ITFG2: variants seen among roughly 807,000 people sequenced by gnomAD.
ITFG2 encodes the protein KICSTOR complex protein ITFG2.
ITFG2 carries 36 observed loss-of-function variants against 54.4 expected under a neutral mutation model. The ratio of observed to expected loss-of-function variants is 0.66; its 90% CI spans 0.51 to 0.87. ITFG2 has a LOEUF of 0.87. Among genes scored for constraint, ITFG2 ranks in the 40% least tolerant of loss-of-function variants. The probability of loss-of-function intolerance (pLI) is 0.00; values close to 1 mark genes in which losing one functional copy is unlikely to be tolerated. For missense variants in ITFG2, 524 were observed against 576.7 expected, an observed-to-expected ratio of 0.91 and a Z score of 0.94; for synonymous variants, 211 against 225.4, an observed-to-expected ratio of 0.94 and a Z score of 0.57.
chr12:2,857,461 A>G, intron 2 of ITFG2: 1 of 225,060 alleles, frequency 4.4e-6, no homozygotes. Flanking sequence ...ACAAGGTCAG[A>G]GACGCCAGGG....
upstream of ITFG2, among the ~76,000 whole-genome samples, chr12:2,832,372 G>C (rs551696088): frequency 1.8e-4 from 28 of 151,970 alleles, no homozygotes; most frequent in African/African-American, 6.3e-4. Flanking sequence ...CAGAAGCACC[G>C]CTCATACCAG....
chr12:2,827,951 A>C (rs771367947), downstream of ITFG2: 6 of 1,614,194 alleles, frequency 3.7e-6, no homozygotes, highest in Admixed American at 1.0e-4. The surrounding 1 kb of genome is among the most constrained non-coding windows in gnomAD (Gnocchi z 4.0). Context: ...AGCACACCAC[A>C]GTCTCCTGCC....
chr12:2,819,942 CA>C lies in ITFG2; in HGVS notation c.407-143del, dbSNP rs140410419. Reference sequence around the variant, plus strand: ...ACGGGCAAGATGCCGCAAACACAGGCAGGGGCGGGGGCAGACTGAGGGTGAA... The same window carrying C: ...ACGGGCAAGATGCCGCAAACACAGGCGGGGCGGGGGCAGACTGAGGGTGAA... On this transcript the variant is annotated intron_variant, in intron 4 of 11. Coordinates refer to ENST00000228799, the MANE Select transcript of ITFG2 (RefSeq NM_018463.4). 219 of 1,022,152 alleles carry C rather than the reference CA, an allele frequency of 2.1e-4. 1 individual carries two copies. The highest frequency in any genetic ancestry group is 2.7e-4 in the Non-Finnish European group (200 of 740,262). The allele number at this position is 1,022,152 out of a possible 1,614,324, so 63.3% of individuals were successfully genotyped here. A position where few individuals can be genotyped will look rare whatever the true frequency, so the allele number is the denominator to read the frequency against.
intron 1 of ITFG2, among the ~76,000 whole-genome samples, chr12:2,815,597 C>G (rs1349371744): frequency 6.6e-6 from 1 of 152,248 alleles, no homozygotes; most frequent in African/African-American, 2.4e-5. Context: ...TATTTGGCCC[C>G]TGATTAAACA....
chr12:2,812,865 A>T lies in ITFG2; in HGVS notation c.96+9A>T. ...ACGTTGATAACGATACGGTAGGTGC[A>T]TGCGCACCGCAAGAGACAGCCTGGA... On this transcript the variant is annotated intron_variant, in intron 1 of 11. Coordinates refer to ENST00000228799, the MANE Select transcript of ITFG2 (RefSeq NM_018463.4). The T allele has an allele frequency of 6.2e-7, 1 of 1,600,462 alleles. No homozygotes were observed. The highest frequency in any genetic ancestry group is 8.5e-7 in the Non-Finnish European group (1 of 1,169,824).
At chr12:2,835,077 G>A, upstream of ITFG2, 1 of 1,439,610 alleles carries the variant, frequency 6.9e-7, no homozygotes. Flanking sequence ...AGAGAGGGAG[G>A]GTTGGCAGGG....
At chr12:2,818,472 C>A in intron 4 of ITFG2, 195 bp downstream of exon 4, 1 of 1,041,074 alleles carries the variant, frequency 9.6e-7, no homozygotes, top group Non-Finnish European at 1.4e-6. Context: ...AAAATTGCTG[C>A]CCTCCTGGGC....
chr12:2,821,611 G>A lies in ITFG2; in HGVS notation c.847+15G>A, dbSNP rs2097944797. 2 of 1,614,034 alleles carry A rather than the reference G, an allele frequency of 1.2e-6. No individual in the cohort carries two copies. On this transcript the variant is annotated intron_variant, in intron 8 of 11. Transcript: ENST00000228799. ...CACCCTGGATGGTGAGCAATGCTAG[G>A]ATGGGGTGTGGGGGCTGTATGCCTG... is the stretch of plus-strand genomic sequence containing the variant.
chr12:2,851,586 A>C (rs935748317), intron 2 of ITFG2, among the ~76,000 whole-genome samples: 4 of 151,278 alleles, frequency 2.6e-5, no homozygotes, highest in African/African-American at 9.7e-5. Flanking sequence ...CAGGTGACCC[A>C]CCTGCCTTGG....
chr12:2,854,065 GC>G (rs1483632078), intron 2 of ITFG2, among the ~76,000 whole-genome samples: 1 of 152,054 alleles, frequency 6.6e-6, no homozygotes, highest in Non-Finnish European at 1.5e-5. Context: ...CTCTCTTGTT[GC>G]CCCGGCTGGA....
intron 1 of ITFG2, among the ~76,000 whole-genome samples, chr12:2,816,219 CGG>C (rs1370569086): frequency 6.6e-6 from 1 of 151,338 alleles, no homozygotes; most frequent in East Asian, 1.9e-4. Context: ...TTAGTACAAA[CGG>C]GGTTTTACCA....
chr12:2,853,799 G>T lies in ITFG2; in HGVS notation n.301-4213G>T, dbSNP rs145194666. 3.3e-3 allele frequency among the ~76,000 whole-genome samples: 499 copies of T among 152,132 alleles called. 4 individuals are homozygous for T. The highest frequency in any genetic ancestry group is 0.011 in the African/African-American group (464 of 41,518). ...CGTGAGTTCCCAGGGTGGCCGGGAG[G>T]GGGAGCTGCGGGGTTCACAGCGGCT... is the stretch of plus-strand genomic sequence containing the variant. On this transcript the variant is annotated intron_variant and non_coding_transcript_variant, in intron 2 of 3. Coordinates refer to the ITFG2 transcript ENST00000537710.
intron 6 of ITFG2, 49 bp downstream of exon 6, chr12:2,820,921 A>G (rs755599196): frequency 1.3e-6 from 2 of 1,590,944 alleles, no homozygotes; most frequent in South Asian, 1.1e-5. Flanking sequence ...TGGAAGCAGG[A>G]TGGGCTCCCA....
rs1480199446 is a variant in ITFG2, at chr12:2,824,942, T to C, written c.*749T>C. ...TCAGAATTATATCTTGGGTCATTTATGTGCCGTCTGTTCTTGATTCTCTAT... is the reference window on the plus strand; with the variant it reads ...TCAGAATTATATCTTGGGTCATTTACGTGCCGTCTGTTCTTGATTCTCTAT... On this transcript the variant is annotated 3_prime_UTR_variant, in exon 12 of 12. Transcript: ENST00000228799. The C allele has an allele frequency of 6.6e-6, 1 of 152,094 alleles. No homozygotes were observed. Among genetic ancestry groups the C allele is most frequent in the Non-Finnish European group, 1.5e-5 (1 of 68,136 alleles). The allele number at this position is 152,094 out of a possible 1,614,324, so 9.4% of individuals were successfully genotyped here.
chr12:2,852,299 C>G (rs566974189), intron 2 of ITFG2, among the ~76,000 whole-genome samples: 1 of 152,158 alleles, frequency 6.6e-6, no homozygotes, highest in African/African-American at 2.4e-5. Context: ...CTATTGAGCC[C>G]CTTCTGTATG....
intron 2 of ITFG2, among the ~76,000 whole-genome samples, chr12:2,854,544 A>C (rs1339312232): frequency 1.3e-5 from 2 of 151,542 alleles, no homozygotes; most frequent in African/African-American, 4.9e-5. Context: ...CTTCCTTACA[A>C]CACCCCCTGT....
exon 3 of ITFG2, chr12:2,858,306 G>C (rs761151927): frequency 3.7e-6 from 1 of 270,132 alleles, no homozygotes; most frequent in Middle Eastern, 1.2e-3. Flanking sequence ...CTATTTACAC[G>C]GACCACCCTG....
intron 2 of ITFG2, among the ~76,000 whole-genome samples, chr12:2,851,993 T>C (rs997670453): frequency 6.6e-6 from 1 of 152,256 alleles, no homozygotes; most frequent in African/African-American, 2.4e-5. Context: ...AAATTTATTT[T>C]TAAAATGAGG....
intron 1 of ITFG2, among the ~76,000 whole-genome samples, chr12:2,837,953 A>G (rs2153926843): frequency 6.6e-6 from 1 of 152,346 alleles, no homozygotes; most frequent in African/African-American, 2.4e-5. Context: ...AAAGGAGAAT[A>G]CTGATAGAGA....
Sources: gnomAD v4.1 joint callset for allele counts (sites outside exome capture counted in the v4.1 genomes callset) on GRCh38, gnomAD v4.1.1 for gene constraint, Gnocchi (gnomAD v3.1) non-coding constraint, MANE v1.5 for transcripts, NCBI Gene and HGNC (gene_info 2026-07-23, HGNC 2026-07-21) for gene names.